Variants in CHRM3 observed in about 807,000 individuals in gnomAD.
CHRM3 encodes muscarinic acetylcholine receptor M3.
A neutral mutation model predicts 41.8 loss-of-function variants in CHRM3; 11 were observed. The observed-to-expected ratio is 0.26, with a 90% CI of 0.17 to 0.44. The LOEUF (loss-of-function observed/expected upper bound fraction) is 0.44. Ranked by LOEUF, CHRM3 falls within the 20% of genes least tolerant of loss-of-function variation. CHRM3 has a pLI of 1.00. For missense variants in CHRM3, 571 were observed against 745.4 expected (o/e 0.77, Z 2.72); for synonymous variants, 297 against 301.4 (o/e 0.99, Z 0.15).
intron 2 of CHRM3, among the ~76,000 whole-genome samples, chr1:239,539,849 T>C (rs1460546488): frequency 6.6e-6 from 1 of 152,160 alleles, no homozygotes; most frequent in Non-Finnish European, 1.5e-5. Context: ...ATTCCTGGAT[T>C]CAAGCGATCC....
intron 5 of CHRM3, among the ~76,000 whole-genome samples, chr1:239,679,046 T>C (rs1323717385): frequency 1.3e-5 from 2 of 151,902 alleles, no homozygotes; most frequent in Non-Finnish European, 2.9e-5. Flanking sequence ...GATAGATAGA[T>C]AGATAGATAG....
chr1:239,418,920 A>G (rs1460872357), intron 1 of CHRM3, among the ~76,000 whole-genome samples: 2 of 152,178 alleles, frequency 1.3e-5, no homozygotes. Context: ...ATGAGGGCCC[A>G]CTTTGAGGAA....
intron 2 of CHRM3, among the ~76,000 whole-genome samples, chr1:239,524,473 G>T (rs958350318): frequency 4.0e-5 from 6 of 151,330 alleles, no homozygotes; most frequent in African/African-American, 1.5e-4. Context: ...ATTATTTGTC[G>T]CCATGACCGC....
intron 1 of CHRM3, among the ~76,000 whole-genome samples, chr1:239,426,020 G>C (rs1662340544): frequency 6.6e-6 from 1 of 151,678 alleles, no homozygotes; most frequent in African/African-American, 2.4e-5. Context: ...TTAAATTTTA[G>C]GGTACATGTG....
intron 6 of CHRM3, among the ~76,000 whole-genome samples, chr1:239,867,606 A>C (rs1304381601): frequency 6.6e-6 from 1 of 151,960 alleles, no homozygotes; most frequent in Non-Finnish European, 1.5e-5. Flanking sequence ...TAATTGTTTG[A>C]ACCCAGGAAG....
At chr1:239,419,100 G>A (rs1479944835) in intron 1 of CHRM3, among the ~76,000 whole-genome samples, 2 of 152,148 alleles carry the variant, frequency 1.3e-5, no homozygotes, top group Admixed American at 1.3e-4. Flanking sequence ...TGAAACATAG[G>A]GTTAAAGTAG....
At chr1:239,403,038 T>C (rs903637148) in intron 1 of CHRM3, among the ~76,000 whole-genome samples, 6 of 152,220 alleles carry the variant, frequency 3.9e-5, no homozygotes, top group Non-Finnish European at 7.3e-5. Flanking sequence ...TGTACATCTT[T>C]TTCAATCCCC....
At chr1:239,854,643 C>T (rs1039259521) in intron 6 of CHRM3, among the ~76,000 whole-genome samples, 1 of 152,050 alleles carries the variant, frequency 6.6e-6, no homozygotes, top group Non-Finnish European at 1.5e-5. Context: ...CCTACAAAAT[C>T]ACATCCAGCA....
intron 3 of CHRM3, among the ~76,000 whole-genome samples, chr1:239,585,075 G>T (rs1049607648): frequency 7.2e-6 from 1 of 139,354 alleles, no homozygotes; most frequent in Non-Finnish European, 1.6e-5. Context: ...ATATATATAT[G>T]TATACACACA....
At chr1:239,725,077 T>A (rs1663311371) in intron 5 of CHRM3, among the ~76,000 whole-genome samples, 1 of 151,964 alleles carries the variant, frequency 6.6e-6, no homozygotes, top group Admixed American at 6.6e-5. Context: ...TAGGATGGTG[T>A]TATCTTTGAT....
At chr1:239,724,457 A>G (rs1232595692) in intron 5 of CHRM3, among the ~76,000 whole-genome samples, 1 of 151,934 alleles carries the variant, frequency 6.6e-6, no homozygotes, top group Non-Finnish European at 1.5e-5. Flanking sequence ...AGGCTTTGCC[A>G]TTTAATTGTT....
chr1:239,552,209 G>A (rs532643349), intron 3 of CHRM3, among the ~76,000 whole-genome samples: 146 of 145,900 alleles, frequency 1.0e-3, no homozygotes, highest in Middle Eastern at 3.8e-3. Context: ...GATATGTATC[G>A]TATATTATAT....
chr1:239,651,442 T>C (rs1228492400), intron 4 of CHRM3, among the ~76,000 whole-genome samples: 1 of 152,212 alleles, frequency 6.6e-6, no homozygotes, highest in Non-Finnish European at 1.5e-5. Context: ...AAGGAAGGCA[T>C]GATTTAAAGC....
intron 5 of CHRM3, among the ~76,000 whole-genome samples, chr1:239,690,360 C>T (rs1251821283): frequency 2.0e-5 from 3 of 152,008 alleles, no homozygotes; most frequent in African/African-American, 7.3e-5. Flanking sequence ...GCTGGGGCTA[C>T]AGGCGTGCAC....
chr1:239,527,367 TA>T (rs5782083), intron 2 of CHRM3, among the ~76,000 whole-genome samples: 70,298 of 151,046 alleles, frequency 0.47, 17,067 homozygotes, highest in Middle Eastern at 0.63. Context: ...CTAGATTTCT[TA>T]AAAAAAAAAT....
intron 6 of CHRM3, among the ~76,000 whole-genome samples, chr1:239,882,347 T>G (rs915637577): frequency 4.6e-5 from 7 of 152,224 alleles, no homozygotes; most frequent in African/African-American, 1.2e-4. Context: ...TTGTTTTGAT[T>G]TAAGAGGTTT....
chr1:239,670,611 A>G (rs555816279), intron 4 of CHRM3, among the ~76,000 whole-genome samples: 20 of 152,124 alleles, frequency 1.3e-4, no homozygotes, highest in African/African-American at 4.6e-4. Context: ...CCCAGATTCA[A>G]GAGCCTCCCA....
At chr1:239,690,922 A>G (rs1659654559) in intron 5 of CHRM3, among the ~76,000 whole-genome samples, 1 of 152,030 alleles carries the variant, frequency 6.6e-6, no homozygotes, top group South Asian at 2.1e-4. Context: ...GCAATGGCAA[A>G]GGATTTGAGG....
At chr1:239,484,816 C>T (rs1214138762) in intron 1 of CHRM3, among the ~76,000 whole-genome samples, 4 of 152,094 alleles carry the variant, frequency 2.6e-5, no homozygotes, top group Non-Finnish European at 5.9e-5. Flanking sequence ...GAGTACACAC[C>T]GTGTACATCT....
Sources: allele counts gnomAD v4.1 joint callset (sites outside exome capture counted in the v4.1 genomes callset), GRCh38; gene constraint gnomAD v4.1.1; transcripts MANE v1.5; gene names NCBI Gene and HGNC (gene_info 2026-07-23, HGNC 2026-07-21).